Variants in ECSCR observed in about 807,000 individuals in gnomAD.
ECSCR encodes the protein endothelial cell surface expressed chemotaxis and apoptosis regulator, also known as endothelial cell-specific chemotaxis regulator.
In ECSCR, 12 loss-of-function variants were observed where a neutral mutation model predicts 16.7. The observed-to-expected ratio is 0.72, with a 90% CI of 0.46 to 1.17. The LOEUF (loss-of-function observed/expected upper bound fraction) is 1.17, where lower values mean the gene tolerates loss of function less well. ECSCR is among the 50% of genes most tolerant of loss of function. The pLI is 0.00. For synonymous variants in ECSCR, 44 were observed against 42.2 expected (o/e 1.04, Z -0.17); for missense variants, 122 against 116.1 (o/e 1.05, Z -0.23).
In ECSCR at chr5:139,454,842, T is replaced by G. The variant is rs1440997826; in HGVS notation, c.458A>C (p.Lys153Thr). The G allele has an allele frequency of 7.5e-6, 3 of 398,584 alleles. No homozygotes were observed. Among genetic ancestry groups the G allele is most frequent in the Non-Finnish European group, 1.3e-5 (3 of 226,246 alleles). 24.7% of individuals were successfully genotyped at this position (398,584 alleles called of 1,614,324 possible). Residue 153 changes from lysine (K) to threonine (T), a missense_variant, in exon 7 of 10, where the codon AAG becomes ACG. By Grantham distance (78) the Lys-to-Thr change is moderately conservative. Coordinates refer to ENST00000618155, the MANE Select transcript of ECSCR (RefSeq NM_001077693.4). The part of the protein sequence containing the change: ...GVVSLRFKCR[K>T]SKESEDPQKP... Reference sequence around the variant, plus strand: ...GCACGCACCTTCAGACTCCTTGCTCTTCCGACACTTGAACCTCAGGCTGAC... The same window carrying G: ...GCACGCACCTTCAGACTCCTTGCTCGTCCGACACTTGAACCTCAGGCTGAC...
At position 139,448,602 on chromosome 5, in the gene ECSCR, A is replaced by G. The variant is rs1041892454; in HGVS notation, c.*298T>C. 1.6e-6 allele frequency: 1 copy of G among 643,188 alleles called. No individual in the cohort carries two copies. Among genetic ancestry groups the G allele is most frequent in the Non-Finnish European group, 2.4e-6 (1 of 425,098 alleles). The allele number at this position is 643,188 out of a possible 1,614,324, so 39.8% of individuals were successfully genotyped here. On this transcript the variant is annotated 3_prime_UTR_variant, in exon 10 of 10. Coordinates refer to ENST00000618155, the MANE Select transcript of ECSCR (RefSeq NM_001077693.4). ...TTTTAATGCAAAGTAGAAAGTATCA[A>G]TCCACCTCATCACTTTCCTTGCTCT...
chr5:139,448,940 A>G, intron 9 of ECSCR, 32 bp from the exon 10 acceptor site: 1 of 1,537,228 alleles, frequency 6.5e-7, no homozygotes. Flanking sequence ...GGGAAGGGTG[A>G]ACTTTTTAGG....
At chr5:139,450,594 G>A (rs1751018247) in intron 8 of ECSCR, among the ~76,000 whole-genome samples, 1 of 151,664 alleles carries the variant, frequency 6.6e-6, no homozygotes, top group African/African-American at 2.4e-5. Context: ...TGGTCAACAT[G>A]GTGAAACCCT....
At chr5:139,462,322 G>A (rs1427275781) in intron 1 of ECSCR, among the ~76,000 whole-genome samples, 1 of 152,118 alleles carries the variant, frequency 6.6e-6, no homozygotes, top group Non-Finnish European at 1.5e-5. Flanking sequence ...TTTGGGCCTG[G>A]GTCTTGCACT....
chr5:139,450,256 A>G (rs966533414), intron 8 of ECSCR, among the ~76,000 whole-genome samples: 5 of 152,082 alleles, frequency 3.3e-5, no homozygotes, highest in African/African-American at 1.2e-4. Context: ...TAATCCCAGC[A>G]TTTTGGGAGG....
intron 2 of ECSCR, 148 bp from the exon 3 acceptor site, chr5:139,457,955 A>G: frequency 8.5e-7 from 1 of 1,178,120 alleles, no homozygotes; most frequent in Non-Finnish European, 1.2e-6. Flanking sequence ...TTCAAGGTAC[A>G]TTAGACTCAG....
intron 8 of ECSCR, among the ~76,000 whole-genome samples, chr5:139,452,656 A>G (rs1751090130): frequency 0.045 from 1 of 22 alleles, no homozygotes. Flanking sequence ...GTGTATGCAT[A>G]GTGNNNNNNN....
intron 2 of ECSCR, 38 bp from the exon 3 acceptor site, chr5:139,457,845 T>C: frequency 6.4e-7 from 1 of 1,573,070 alleles, no homozygotes; most frequent in Non-Finnish European, 8.6e-7. Flanking sequence ...GTGCACCGCC[T>C]CCTACTGTTC....
intron 1 of ECSCR, among the ~76,000 whole-genome samples, chr5:139,458,494 T>G (rs1314924338): frequency 6.0e-5 from 4 of 66,190 alleles, no homozygotes; most frequent in African/African-American, 1.8e-4. Context: ...GGAGACCCTA[T>G]CTCAACAAAA....
chr5:139,451,177 T>G (rs1751034523), intron 8 of ECSCR, among the ~76,000 whole-genome samples: 1 of 148,926 alleles, frequency 6.7e-6, no homozygotes, highest in African/African-American at 2.5e-5. Context: ...AATGCATGTG[T>G]GGTGTGTGTG....
At chr5:139,458,656 G>A (rs1751223580) in intron 1 of ECSCR, among the ~76,000 whole-genome samples, 2 of 151,444 alleles carry the variant, frequency 1.3e-5, no homozygotes, top group Non-Finnish European at 2.9e-5. Flanking sequence ...AGACTAGCCC[G>A]GCCAACATGG....
chr5:139,452,346 G>A (rs1338861882), intron 8 of ECSCR, among the ~76,000 whole-genome samples: 2 of 151,240 alleles, frequency 1.3e-5, no homozygotes, highest in Non-Finnish European at 3.0e-5. Flanking sequence ...TGTGATATGT[G>A]TGTGGGGTGT....
chr5:139,459,537 G>A (rs1751245712), intron 1 of ECSCR, among the ~76,000 whole-genome samples: 1 of 152,234 alleles, frequency 6.6e-6, no homozygotes, highest in African/African-American at 2.4e-5. Context: ...GTGTGCCCTT[G>A]TGTGTGTCCC....
chr5:139,461,948 C>T (rs1411040613), intron 1 of ECSCR, among the ~76,000 whole-genome samples: 1 of 152,140 alleles, frequency 6.6e-6, no homozygotes, highest in East Asian at 1.9e-4. Context: ...GATGAGAGGA[C>T]CCCTATGAGC....
chr5:139,448,937 G>T lies in ECSCR; in HGVS notation c.610-29C>A, dbSNP rs770972034. ...CAAAATAAATGCATAATGGGGAAGG[G>T]TGAACTTTTTAGGATTGGCAGGGTA... is the stretch of plus-strand genomic sequence containing the variant. On this transcript the variant is annotated intron_variant, in intron 9 of 9. Coordinates refer to ENST00000618155, the MANE Select transcript of ECSCR (RefSeq NM_001077693.4). 1.3e-5 allele frequency: 20 copies of T among 1,537,246 alleles called. No homozygotes were observed. The East Asian group carries it at 4.4e-4, about 34-fold the overall frequency.
chr5:139,461,287 T>C (rs1023753530), intron 1 of ECSCR, among the ~76,000 whole-genome samples: 1 of 152,220 alleles, frequency 6.6e-6, no homozygotes, highest in Non-Finnish European at 1.5e-5. Flanking sequence ...CTTTTGTTTT[T>C]GCCCTGTTCT....
In ECSCR at chr5:139,462,695, G is replaced by T; in HGVS notation, c.-25C>A. 2.6e-6 allele frequency: 4 copies of T among 1,530,462 alleles called. No homozygotes were observed. Among genetic ancestry groups the T allele is most frequent in the Non-Finnish European group, 3.5e-6 (4 of 1,136,436 alleles). 94.8% of individuals were successfully genotyped at this position (1,530,462 alleles called of 1,614,324 possible). On this transcript the variant is annotated 5_prime_UTR_variant, in exon 1 of 10. Coordinates refer to ENST00000618155, the MANE Select transcript of ECSCR (RefSeq NM_001077693.4). ...TGTCAGCTGGGTATGTGGCGGGCAGGCAGCAGCTCAGTGGAGGCTCTGTCC... is the reference window on the plus strand; with the variant it reads ...TGTCAGCTGGGTATGTGGCGGGCAGTCAGCAGCTCAGTGGAGGCTCTGTCC...
At chr5:139,462,468 T>G (rs1036609853) in intron 1 of ECSCR, 142 bp downstream of exon 1, 1 of 822,146 alleles carries the variant, frequency 1.2e-6, no homozygotes, top group South Asian at 1.6e-5. Flanking sequence ...CCAATCCAAC[T>G]GATCTTCATG....
intron 9 of ECSCR, 33 bp downstream of exon 9, chr5:139,449,045 T>A: frequency 6.5e-7 from 1 of 1,534,240 alleles, no homozygotes. Flanking sequence ...AAGGTGAATT[T>A]GGGGAAGGAA....
Sources: allele counts gnomAD v4.1 joint callset (sites outside exome capture counted in the v4.1 genomes callset), GRCh38; gene constraint gnomAD v4.1.1; transcripts MANE v1.5; gene names NCBI Gene and HGNC (gene_info 2026-07-23, HGNC 2026-07-21).